Variants in ASPH observed in about 807,000 individuals in gnomAD.
ASPH encodes the protein aspartyl/asparaginyl beta-hydroxylase.
ASPH carries 100 observed loss-of-function variants against 118.4 expected under a neutral mutation model. The ratio of observed to expected loss-of-function variants is 0.84; its 90% confidence interval spans 0.72 to 1.00. The LOEUF is 1.00. Among genes scored for constraint, ASPH ranks in the 50% least tolerant of loss-of-function variants. The probability of loss-of-function intolerance (pLI) is 0.00; values close to 1 mark genes in which losing one functional copy is unlikely to be tolerated. For missense variants in ASPH, 920 were observed against 919.5 expected (o/e 1.00, Z -0.01); for synonymous variants, 315 against 325.6 (o/e 0.97, Z 0.35).
chr8:61,681,103 CTT>C, intron 2 of ASPH, 67 bp from the exon 3 acceptor site: 1 of 1,299,686 alleles, frequency 7.7e-7, no homozygotes, highest in Non-Finnish European at 1.1e-6. Context: ...GGTATTATAA[CTT>C]AGTGAAGTCA....
intron 22 of ASPH, among the ~76,000 whole-genome samples, chr8:61,520,416 A>G (rs1042868749): frequency 1.3e-5 from 2 of 152,252 alleles, no homozygotes; most frequent in Non-Finnish European, 2.9e-5. Context: ...TTGTGTCCTA[A>G]GATAATCACA....
intron 3 of ASPH, chr8:61,665,254 G>A: frequency 6.3e-7 from 1 of 1,587,562 alleles, no homozygotes; most frequent in South Asian, 1.2e-5. Flanking sequence ...CAGAGCTTTA[G>A]CCGTTTCTTT....
intron 21 of ASPH, among the ~76,000 whole-genome samples, chr8:61,528,975 T>C (rs1816546188): frequency 6.6e-6 from 1 of 152,190 alleles, no homozygotes; most frequent in Non-Finnish European, 1.5e-5. Context: ...CCATTTTGAT[T>C]ATAAAACAGT....
At chr8:61,582,406 G>T (rs952590157) in intron 15 of ASPH, among the ~76,000 whole-genome samples, 1 of 152,176 alleles carries the variant, frequency 6.6e-6, no homozygotes, top group Non-Finnish European at 1.5e-5. Flanking sequence ...GAAAGTGGAG[G>T]TTGCCAAAGG....
intron 21 of ASPH, among the ~76,000 whole-genome samples, chr8:61,533,141 T>C (rs187652924): frequency 1.3e-5 from 2 of 152,164 alleles, no homozygotes; most frequent in Non-Finnish European, 2.9e-5. Context: ...GGAACTCTTT[T>C]TATCTGAATG....
chr8:61,657,239 CGT>C (rs1437441363), intron 3 of ASPH: 8 of 152,128 alleles, frequency 5.3e-5, no homozygotes, highest in African/African-American at 1.7e-4. Context: ...GTAAGTTACA[CGT>C]GTGTTTCGGG....
At chr8:61,573,350 T>A (rs1398692092) in intron 16 of ASPH, among the ~76,000 whole-genome samples, 22 of 152,154 alleles carry the variant, frequency 1.4e-4, no homozygotes. Context: ...TTCACAGCAT[T>A]AGAAAAAACC....
chr8:61,658,729 C>T (rs1029495215), intron 3 of ASPH: 1 of 152,130 alleles, frequency 6.6e-6, no homozygotes, highest in Admixed American at 6.5e-5. Context: ...CAGGTAACTT[C>T]CAAGGTAGTT....
chr8:61,589,465 T>C (rs1033135581), intron 14 of ASPH, among the ~76,000 whole-genome samples: 2 of 152,220 alleles, frequency 1.3e-5, no homozygotes, highest in African/African-American at 2.4e-5. Flanking sequence ...CACACTTACC[T>C]GCACACAAAA....
chr8:61,527,049 G>A (rs992122829), intron 21 of ASPH, among the ~76,000 whole-genome samples: 1 of 152,156 alleles, frequency 6.6e-6, no homozygotes, highest in African/African-American at 2.4e-5. Context: ...AAATAGTTGA[G>A]TATATAGATT....
In ASPH at chr8:61,544,998, G is replaced by A. The variant is rs544866617; in HGVS notation, c.1764+3073C>T. Among the ~76,000 whole-genome samples, 5 of 152,326 alleles carry A rather than the reference G, an allele frequency of 3.3e-5. No homozygotes were observed. In the South Asian group the frequency reaches 8.3e-4, roughly 25 times the overall value. On this transcript the variant is annotated intron_variant, in intron 21 of 24. Transcript: ENST00000379454. ...GGTAAAGAAAGAGTCCTCCAGGAAA[G>A]AGGGCTACCGTATGGGAAGGTCTGT...
At chr8:61,607,304 C>T (rs1397851744) in intron 14 of ASPH, 2 of 702,070 alleles carry the variant, frequency 2.8e-6, no homozygotes, top group African/African-American at 1.7e-5. Flanking sequence ...CTGGCTTTCA[C>T]CAGACGCAAA....
At chr8:61,526,254 T>A in intron 21 of ASPH, 142 bp from the exon 22 acceptor site, 1 of 1,182,592 alleles carries the variant, frequency 8.5e-7, no homozygotes, top group Non-Finnish European at 1.2e-6. Context: ...CAATTTCCTC[T>A]GGGACTTCTT....
At chr8:61,550,453 ACAC>A (rs1563783764) in intron 20 of ASPH, among the ~76,000 whole-genome samples, 1 of 150,262 alleles carries the variant, frequency 6.7e-6, no homozygotes, top group Non-Finnish European at 1.5e-5. Context: ...ACACACACAC[ACAC>A]ACACACACAC....
intron 21 of ASPH, among the ~76,000 whole-genome samples, chr8:61,545,502 G>T (rs533870158): frequency 6.6e-6 from 1 of 152,216 alleles, no homozygotes; most frequent in Non-Finnish European, 1.5e-5. Flanking sequence ...TGTTCACACC[G>T]AATGTTAATG....
At chr8:61,668,490 A>G (rs537339335) in intron 3 of ASPH, among the ~76,000 whole-genome samples, 1 of 152,338 alleles carries the variant, frequency 6.6e-6, no homozygotes, top group Admixed American at 6.5e-5. Context: ...TAATCAGCCT[A>G]TGATTTAACC....
chr8:61,597,969 C>T (rs992250563), intron 14 of ASPH, among the ~76,000 whole-genome samples: 1 of 152,124 alleles, frequency 6.6e-6, no homozygotes, highest in Admixed American at 6.5e-5. Context: ...ACTAGTAGAG[C>T]AGACAGACAA....
intron 15 of ASPH, among the ~76,000 whole-genome samples, chr8:61,581,944 G>A (rs1467744896): frequency 3.9e-5 from 6 of 152,092 alleles, no homozygotes; most frequent in South Asian, 4.1e-4. Flanking sequence ...GATAAAAAGC[G>A]AACACATACT....
intron 3 of ASPH, among the ~76,000 whole-genome samples, chr8:61,654,507 G>T (rs2151160446): frequency 6.6e-6 from 1 of 152,290 alleles, no homozygotes; most frequent in Middle Eastern, 3.4e-3. Flanking sequence ...CGGCAGGAAG[G>T]TCAAGGTGAT....
Sources: allele counts gnomAD v4.1 joint callset (sites outside exome capture counted in the v4.1 genomes callset), GRCh38; gene constraint gnomAD v4.1.1; transcripts MANE v1.5; gene names NCBI Gene and HGNC (gene_info 2026-07-23, HGNC 2026-07-21).